Variants in SENP2 observed in about 807,000 individuals in gnomAD.
SENP2 encodes sentrin-specific protease 2.
Under a neutral mutation model 86.3 loss-of-function variants are expected in SENP2, and 16 were observed. The observed-to-expected ratio is 0.19, with a 90% CI of 0.13 to 0.28. SENP2 has a LOEUF of 0.28. Among genes scored for constraint, SENP2 ranks in the 10% least tolerant of loss-of-function variants. The pLI, the probability that SENP2 is intolerant of heterozygous loss-of-function variation, is 1.00. For synonymous variants in SENP2, 222 were observed against 238.7 expected (o/e 0.93, Z 0.64); for missense variants, 552 against 703.0 (o/e 0.79, Z 2.43).
At chr3:185,625,400 C>G (rs1344944282) in intron 15 of SENP2, among the ~76,000 whole-genome samples, 1 of 152,126 alleles carries the variant, frequency 6.6e-6, no homozygotes, top group Non-Finnish European at 1.5e-5. Flanking sequence ...CGTGAGCCAC[C>G]GTACCCGGCC....
At chr3:185,594,923 C>T (rs1722128168) in intron 2 of SENP2, among the ~76,000 whole-genome samples, 1 of 151,998 alleles carries the variant, frequency 6.6e-6, no homozygotes, top group African/African-American at 2.4e-5. Context: ...AGGGTTTCAC[C>T]GTGTTGGCCA....
chr3:185,633,469 A>G lies in SENP2; in HGVS notation c.*3625A>G, dbSNP rs1172895084. 1 of 152,128 alleles carries G rather than the reference A, an allele frequency of 6.6e-6. No homozygotes were observed. The highest frequency in any genetic ancestry group is 1.5e-5 in the Non-Finnish European group (1 of 68,048). 9.4% of individuals were successfully genotyped at this position (152,128 alleles called of 1,614,324 possible). ...ATAATTTTTTTCTTTTAATTTACCT[A>G]ATATATATAAGGAAGGGGTTTGGAT... On this transcript the variant is annotated 3_prime_UTR_variant, in exon 17 of 17. Coordinates refer to ENST00000296257, the MANE Select transcript of SENP2 (RefSeq NM_021627.3).
chr3:185,606,565 G>T, intron 6 of SENP2, 67 bp downstream of exon 6: 1 of 1,343,110 alleles, frequency 7.4e-7, no homozygotes, highest in South Asian at 1.5e-5. Context: ...GCTGCCTAGA[G>T]ACACTCAGAA....
chr3:185,597,456 G>A (rs1471317650), intron 2 of SENP2, among the ~76,000 whole-genome samples: 1 of 151,948 alleles, frequency 6.6e-6, no homozygotes, highest in Non-Finnish European at 1.5e-5. Flanking sequence ...AGGTTCCAGC[G>A]ATTCTCCTGC....
chr3:185,604,036 G>A (rs773159487), intron 5 of SENP2, among the ~76,000 whole-genome samples: 13 of 152,140 alleles, frequency 8.5e-5, no homozygotes, highest in African/African-American at 3.1e-4. Context: ...GAGGAGAATC[G>A]CTTCAACCCG....
intron 11 of SENP2, among the ~76,000 whole-genome samples, chr3:185,616,752 G>A (rs1243927600): frequency 7.1e-6 from 1 of 141,146 alleles, no homozygotes; most frequent in Non-Finnish European, 1.5e-5. Context: ...TCCGGCCTGG[G>A]AGACTGAGCG....
In SENP2 at chr3:185,586,377, C is replaced by G. The variant is rs1721780918; in HGVS notation, c.-37C>G. The G allele has an allele frequency of 6.2e-7, 1 of 1,612,330 alleles. No individual in the cohort carries two copies. The highest frequency in any genetic ancestry group is 8.5e-7 in the Non-Finnish European group (1 of 1,179,512). On this transcript the variant is annotated 5_prime_UTR_variant, in exon 1 of 17. Coordinates refer to ENST00000296257, the MANE Select transcript of SENP2 (RefSeq NM_021627.3). This position sits in a 1 kb window ranked among gnomAD's most constrained non-coding sequence, Gnocchi z 4.3. ...GGCGACAGCTCTGGGGTTTGCGTCT[C>G]GGGGTGTGTCGGCCGCCGCTGCTGC...
rs59565990 is a variant in SENP2, at chr3:185,587,732, A to ATTTTTTTTTTT, written c.101+1228_101+1238dup. Among the ~76,000 whole-genome samples the ATTTTTTTTTTT allele has an allele frequency of 4.0e-3, 289 of 72,938 alleles. 18 individuals are homozygous for ATTTTTTTTTTT. The highest frequency in any genetic ancestry group is 4.5e-3 in the Non-Finnish European group (174 of 39,000). 47.9% of individuals were successfully genotyped at this position (72,938 alleles called of 152,430 possible). A position where few individuals can be genotyped will look rare whatever the true frequency, so the allele number is the denominator to read the frequency against. ...CAGGCGCCCGCCACCATGCCCGGCTATTTTTTTTTTTTTTTTTTTTGAGAC... is the reference window on the plus strand; with the variant it reads ...CAGGCGCCCGCCACCATGCCCGGCTATTTTTTTTTTTTTTTTTTTTTTTTTTTTTTTGAGAC... On this transcript the variant is annotated intron_variant, in intron 1 of 16. Transcript: ENST00000296257.
chr3:185,617,238 C>T (rs1247515616), intron 11 of SENP2, among the ~76,000 whole-genome samples: 1 of 152,104 alleles, frequency 6.6e-6, no homozygotes, highest in African/African-American at 2.4e-5. Context: ...GAGGCCAAGG[C>T]AGGTATTGCT....
At chr3:185,610,840 C>T (rs906534515) in intron 7 of SENP2, among the ~76,000 whole-genome samples, 24 of 152,164 alleles carry the variant, frequency 1.6e-4, no homozygotes, top group Admixed American at 6.6e-4. Context: ...CACCTGTAGT[C>T]CCACCTACTC....
At chr3:185,627,774 G>T (rs1712219791) in intron 16 of SENP2, among the ~76,000 whole-genome samples, 1 of 152,142 alleles carries the variant, frequency 6.6e-6, no homozygotes, top group Non-Finnish European at 1.5e-5. Flanking sequence ...AGTATGTTGG[G>T]AATTCTTGAG....
intron 16 of SENP2, among the ~76,000 whole-genome samples, chr3:185,629,180 G>C (rs1049912173): frequency 7.9e-5 from 12 of 152,194 alleles, no homozygotes; most frequent in African/African-American, 2.9e-4. Context: ...AAGTAGAAAA[G>C]TTGCCTATTG....
chr3:185,605,227 C>T lies in SENP2; in HGVS notation c.450-1103C>T, dbSNP rs183196447. 3.2e-3 allele frequency among the ~76,000 whole-genome samples: 479 copies of T among 150,968 alleles called. 3 individuals carry two copies. Among genetic ancestry groups the T allele is most frequent in the African/African-American group, 0.011 (451 of 41,220 alleles). ...TCTACTTAAAATACAAAAAATTAGC[C>T]GGGCGTGGTGGCAGGCGCCTGTAAC... On this transcript the variant is annotated intron_variant, in intron 5 of 16. Coordinates refer to ENST00000296257, the MANE Select transcript of SENP2 (RefSeq NM_021627.3).
At chr3:185,618,913 A>G (rs1000576870) in intron 12 of SENP2, among the ~76,000 whole-genome samples, 5 of 152,176 alleles carry the variant, frequency 3.3e-5, no homozygotes, top group African/African-American at 7.2e-5. Context: ...GATAAATAAA[A>G]TATTATTTTG....
Position 185,632,256 on chromosome 3 carries a change from G to A in SENP2, c.*2412G>A, listed in dbSNP as rs1446271121. 1 of 19,308 alleles carries A rather than the reference G, an allele frequency of 5.2e-5. No individual in the cohort carries two copies. Among genetic ancestry groups the A allele is most frequent in the East Asian group, 1.5e-3 (1 of 664 alleles). The allele number at this position is 19,308 out of a possible 1,614,324, so 1.2% of individuals were successfully genotyped here. On this transcript the variant is annotated 3_prime_UTR_variant, in exon 17 of 17. Transcript: ENST00000296257. ...TTTTTTGTTTTTTTTTTTTTTTTTT[G>A]CGACAGAGTCTCTTGTCGCCCAGGC...
At chr3:185,592,011 C>CTTTTTGTTTTTTT (rs1722018832) in intron 2 of SENP2, among the ~76,000 whole-genome samples, 1 of 65,804 alleles carries the variant, frequency 1.5e-5, no homozygotes, top group Non-Finnish European at 2.7e-5. Context: ...GGTAATATTT[C>CTTTTTGTTTTTTT]TTTTTTTTTT....
At chr3:185,607,292 C>CATA (rs1722547030) in intron 6 of SENP2, among the ~76,000 whole-genome samples, 1 of 137,566 alleles carries the variant, frequency 7.3e-6, no homozygotes, top group African/African-American at 2.7e-5. Context: ...AAGAAAGAGT[C>CATA]ATATTAGGAA....
chr3:185,602,115 T>C (rs1722365383), intron 5 of SENP2, among the ~76,000 whole-genome samples: 1 of 152,214 alleles, frequency 6.6e-6, no homozygotes, highest in Non-Finnish European at 1.5e-5. Context: ...TTTTAAAATA[T>C]GTTTTGAGTG....
chr3:185,598,661 G>A (rs1283887886), intron 3 of SENP2, 116 bp downstream of exon 3: 2 of 1,061,116 alleles, frequency 1.9e-6, no homozygotes, highest in African/African-American at 1.6e-5. Context: ...AGAAATATCT[G>A]TATCTTTATT....
Sources: gnomAD v4.1 joint callset for allele counts (sites outside exome capture counted in the v4.1 genomes callset) on GRCh38, gnomAD v4.1.1 for gene constraint, Gnocchi (gnomAD v3.1) non-coding constraint, MANE v1.5 for transcripts, NCBI Gene and HGNC (gene_info 2026-07-23, HGNC 2026-07-21) for gene names.